Variants in CACNA1D observed in about 807,000 individuals in gnomAD.
The protein encoded by CACNA1D is calcium voltage-gated channel subunit alpha1 D.
CACNA1D carries 55 observed loss-of-function variants against 257.1 expected under a neutral mutation model. The ratio of observed to expected loss-of-function variants is 0.21; its 90% CI spans 0.17 to 0.27. The LOEUF is 0.27. Ranked by LOEUF, CACNA1D falls within the 10% of genes least tolerant of loss-of-function variation. The pLI is 1.00. For synonymous variants in CACNA1D, 980 were observed against 1,014.9 expected (o/e 0.97, Z 0.65); for missense variants, 1,876 against 2,784.0 (o/e 0.67, Z 7.34).
intron 8 of CACNA1D, among the ~76,000 whole-genome samples, chr3:53,682,837 C>A (rs1343693812): frequency 6.6e-6 from 1 of 152,098 alleles, no homozygotes; most frequent in Non-Finnish European, 1.5e-5. Flanking sequence ...GGACCTTTCA[C>A]CATAAACAAC....
At chr3:53,742,229 T>C (rs563269585) in intron 21 of CACNA1D, among the ~76,000 whole-genome samples, 1 of 152,252 alleles carries the variant, frequency 6.6e-6, no homozygotes, top group Non-Finnish European at 1.5e-5. Context: ...TCTACCTCTC[T>C]TATACTGTAC....
intron 8 of CACNA1D, among the ~76,000 whole-genome samples, chr3:53,686,309 C>T (rs1372692452): frequency 6.6e-6 from 1 of 152,048 alleles, no homozygotes; most frequent in East Asian, 1.9e-4. Flanking sequence ...ATTATACCAT[C>T]CCTAGAAATT....
At chr3:53,685,812 T>TTG (rs1032251611) in intron 8 of CACNA1D, among the ~76,000 whole-genome samples, 1 of 152,142 alleles carries the variant, frequency 6.6e-6, no homozygotes, top group African/African-American at 2.4e-5. Flanking sequence ...CATTTATAGC[T>TTG]ATATCAGTAA....
chr3:53,766,269 C>G (rs1293569540), intron 30 of CACNA1D: 1 of 152,196 alleles, frequency 6.6e-6, no homozygotes, highest in Non-Finnish European at 1.5e-5. Flanking sequence ...GTGTAGTCCC[C>G]CATTTCATAT....
At chr3:53,696,133 T>TAA (rs930198753) in intron 8 of CACNA1D, among the ~76,000 whole-genome samples, 3 of 152,048 alleles carry the variant, frequency 2.0e-5, no homozygotes, top group African/African-American at 4.8e-5. Flanking sequence ...TTGGCTAACT[T>TAA]AAAAAAAATT....
intron 40 of CACNA1D, among the ~76,000 whole-genome samples, chr3:53,790,068 C>A (rs1309430966): frequency 1.3e-5 from 2 of 152,196 alleles, no homozygotes; most frequent in Admixed American, 6.5e-5. Context: ...ACAGAGGGAA[C>A]CAGAGAGAAG....
intron 3 of CACNA1D, among the ~76,000 whole-genome samples, chr3:53,577,191 G>A (rs935178681): frequency 6.6e-5 from 10 of 152,132 alleles, no homozygotes; most frequent in Non-Finnish European, 2.9e-5. Flanking sequence ...CCTCATCTGC[G>A]AGGTGGGGGT....
Position 53,495,274 on chromosome 3 carries a change from C to T in CACNA1D, c.67+41C>T. 6.2e-7 allele frequency: 1 copy of T among 1,612,200 alleles called. No homozygotes were observed. Among genetic ancestry groups the T allele is most frequent in the Non-Finnish European group, 8.5e-7 (1 of 1,179,384 alleles). ...CCGGGCACCCGCTGCCAAATCCGAT[C>T]CTGTCATGGTCCTCCAGCCCCCTCC... On this transcript the variant is annotated intron_variant, in intron 1 of 47. Transcript: ENST00000350061. The surrounding 1 kb of genome is among the most constrained non-coding windows in gnomAD (Gnocchi z 5.1).
intron 4 of CACNA1D, among the ~76,000 whole-genome samples, chr3:53,652,402 G>T (rs564468821): frequency 1.3e-5 from 2 of 152,316 alleles, no homozygotes; most frequent in East Asian, 3.9e-4. Flanking sequence ...TAGGGGAGGG[G>T]AGGGAGCTAT....
chr3:53,768,323 G>A (rs530855522), intron 30 of CACNA1D, among the ~76,000 whole-genome samples: 2 of 152,236 alleles, frequency 1.3e-5, no homozygotes, highest in African/African-American at 4.8e-5. Context: ...ACACTGCCTG[G>A]TCCCCTGAAC....
intron 9 of CACNA1D, among the ~76,000 whole-genome samples, chr3:53,714,590 TA>T (rs1412864588): frequency 1.3e-5 from 2 of 152,258 alleles, no homozygotes; most frequent in Non-Finnish European, 2.9e-5. Context: ...GTCATCAGAA[TA>T]GTAAACCAGC....
chr3:53,612,879 A>C (rs2093598218), intron 3 of CACNA1D, among the ~76,000 whole-genome samples: 1 of 152,174 alleles, frequency 6.6e-6, no homozygotes, highest in African/African-American at 2.4e-5. Flanking sequence ...TATTTGTTTT[A>C]TATTTTTCCC....
rs1297788350 is a variant in CACNA1D at position 53,730,551 on chromosome 3, T to C, written c.2331T>C (p.Ile777=). The C allele has an allele frequency of 6.2e-7, 1 of 1,610,908 alleles. No homozygotes were observed. Among genetic ancestry groups the C allele is most frequent in the East Asian group, 2.2e-5 (1 of 44,868 alleles). Residue 777 remains isoleucine (I), a synonymous_variant, in exon 16 of 48, where the codon ATT becomes ATC. Coordinates refer to ENST00000350061, the MANE Select transcript of CACNA1D (RefSeq NM_001128840.3). ...CGGAAGAAAAGGAGAGGAAAAAGAT[T>C]GCCAGGTAACCCTATTTTCCCCTGA... The part of the protein sequence containing the change: ...EEAEEKERKK[I]ARKESLENKK...
chr3:53,803,728 GAA>G (rs903158433), intron 44 of CACNA1D, among the ~76,000 whole-genome samples, 156 bp downstream of exon 44: 12 of 152,356 alleles, frequency 7.9e-5, no homozygotes, highest in Non-Finnish European at 1.6e-4. Flanking sequence ...TGGAGCTGGA[GAA>G]AGAGAGCCGC....
intron 19 of CACNA1D, among the ~76,000 whole-genome samples, chr3:53,734,178 T>C (rs17030975): frequency 0.2 from 29,681 of 150,814 alleles, 3,772 homozygotes; most frequent in East Asian, 0.63. Flanking sequence ...CAGCATTAAA[T>C]AGGCCCAAAA....
chr3:53,562,156 G>A (rs1191427536), intron 3 of CACNA1D, among the ~76,000 whole-genome samples: 1 of 152,174 alleles, frequency 6.6e-6, no homozygotes, highest in African/African-American at 2.4e-5. Context: ...CCTCTCTTGA[G>A]AGTATTTAGA....
intron 3 of CACNA1D, among the ~76,000 whole-genome samples, chr3:53,618,389 T>G (rs1161894544): frequency 6.6e-6 from 1 of 152,174 alleles, no homozygotes; most frequent in Non-Finnish European, 1.5e-5. Flanking sequence ...TGCGGAGACT[T>G]CCCTGGCAGC....
chr3:53,684,968 A>G (rs2094462411), intron 8 of CACNA1D, among the ~76,000 whole-genome samples: 1 of 152,206 alleles, frequency 6.6e-6, no homozygotes, highest in South Asian at 2.1e-4. Flanking sequence ...ATCCAAAATA[A>G]GTCAGAAAAG....
At chr3:53,531,641 G>T (rs79939161) in intron 3 of CACNA1D, among the ~76,000 whole-genome samples, 1 of 152,116 alleles carries the variant, frequency 6.6e-6, no homozygotes, top group Non-Finnish European at 1.5e-5. Context: ...TTCTACAGAG[G>T]TACCTTCTTA....
Sources: allele counts gnomAD v4.1 joint callset (sites outside exome capture counted in the v4.1 genomes callset), GRCh38; gene constraint gnomAD v4.1.1; non-coding constraint Gnocchi (gnomAD v3.1); transcripts MANE v1.5; gene names NCBI Gene and HGNC (gene_info 2026-07-23, HGNC 2026-07-21).